The following IRAK2 variants were observed in gnomAD, a reference collection of about 807,000 sequenced individuals.
IRAK2 encodes interleukin-1 receptor-associated kinase-like 2.
IRAK2 carries 57 observed loss-of-function variants against 72.0 expected under a neutral mutation model. That is an observed-to-expected ratio of 0.79 (90% confidence interval 0.64 to 0.99). The LOEUF (loss-of-function observed/expected upper bound fraction) is 0.99. Ranked by LOEUF, IRAK2 falls within the 50% of genes least tolerant of loss-of-function variation. The pLI is 0.00. For synonymous variants in IRAK2, 293 were observed against 312.7 expected (o/e 0.94, Z 0.67); for missense variants, 790 against 794.4 (o/e 0.99, Z 0.07).
At chr3:10,178,177 G>T (rs1351579711) in intron 2 of IRAK2, among the ~76,000 whole-genome samples, 157 bp downstream of exon 2, 9 of 152,138 alleles carry the variant, frequency 5.9e-5, no homozygotes, top group Non-Finnish European at 1.2e-4. Context: ...CTGGTAACAG[G>T]CCAGGTGCGG....
chr3:10,201,535 T>G (rs959854996), intron 3 of IRAK2, among the ~76,000 whole-genome samples: 1 of 152,266 alleles, frequency 6.6e-6, no homozygotes, highest in Non-Finnish European at 1.5e-5. Context: ...ATGTCTGAGC[T>G]GTGTGATTTG....
intron 2 of IRAK2, among the ~76,000 whole-genome samples, chr3:10,188,754 G>T (rs572554666): frequency 6.6e-6 from 1 of 152,226 alleles, no homozygotes; most frequent in Non-Finnish European, 1.5e-5. Context: ...TCAAACTCCC[G>T]ACCTCAGGTG....
In IRAK2 at chr3:10,177,946, A is replaced by T. The variant is rs745921803; in HGVS notation, c.203A>T (p.Gln68Leu). 2 of 1,613,814 alleles carry T rather than the reference A, an allele frequency of 1.2e-6. No individual in the cohort carries two copies. The highest frequency in any genetic ancestry group is 2.2e-5 in the South Asian group (2 of 91,082). Residue 68 changes from glutamine to leucine, a missense_variant, in exon 2 of 13, where the codon CAG becomes CTG. Gln to Leu is a moderately radical substitution (Grantham distance 113). Coordinates refer to ENST00000256458, the MANE Select transcript of IRAK2 (RefSeq NM_001570.4). ...RELLWWWGMR[Q>L]ATVQQLVDLL... ...CTGCTGTGGTGGTGGGGCATGCGGCAGGCCACCGTCCAGCAACTTGTGGAC... is the reference window on the plus strand; with the variant it reads ...CTGCTGTGGTGGTGGGGCATGCGGCTGGCCACCGTCCAGCAACTTGTGGAC...
At position 10,218,865 on chromosome 3, in the gene IRAK2, C is replaced by T. The variant is rs116606154; in HGVS notation, c.904-815C>T. 5.0e-3 allele frequency among the ~76,000 whole-genome samples: 767 copies of T among 152,282 alleles called. 19 individuals carry two copies. Among genetic ancestry groups the T allele is most frequent in the Non-Finnish European group, 3.1e-3 (212 of 68,026 alleles). On this transcript the variant is annotated intron_variant, in intron 7 of 12. Transcript: ENST00000256458. ...CCAAAATTATACAGCTAATGCATGT[C>T]TGAACTGGGAGTTACACCTAGATCT...
At position 10,213,223 on chromosome 3, in the gene IRAK2, T is replaced by C. The variant is rs1396740840; in HGVS notation, c.545T>C (p.Ile182Thr). 1 of 1,614,030 alleles carries C rather than the reference T, an allele frequency of 6.2e-7. No homozygotes were observed. Among genetic ancestry groups the C allele is most frequent in the Non-Finnish European group, 8.5e-7 (1 of 1,180,008 alleles). ...GGTCTCCAGGACTTCAGCACCTCCATTCCTAAGCAGGAAAAACTTTTGAGC... is the reference window on the plus strand; with the variant it reads ...GGTCTCCAGGACTTCAGCACCTCCACTCCTAAGCAGGAAAAACTTTTGAGC... ...SSDSKDFSTS[I>T]PKQEKLLSLA... Residue 182 changes from isoleucine to threonine, a missense_variant, in exon 5 of 13, where the codon ATT becomes ACT. Transcript: ENST00000256458.
chr3:10,174,526 TTTTG>T (rs1008643120), intron 1 of IRAK2, among the ~76,000 whole-genome samples: 1 of 152,120 alleles, frequency 6.6e-6, no homozygotes, highest in Admixed American at 6.6e-5. Context: ...TTTTGTTTTG[TTTTG>T]TTTTATTTTT....
chr3:10,235,205 G>A (rs1196877952), intron 11 of IRAK2, among the ~76,000 whole-genome samples: 2 of 152,188 alleles, frequency 1.3e-5, no homozygotes, highest in Non-Finnish European at 2.9e-5. Flanking sequence ...CTAGGCGGAC[G>A]TCCTAGAAAG....
rs756037621 is a variant in IRAK2 at position 10,219,691 on chromosome 3, C to A, written c.915C>A (p.Asp305Glu). 6.2e-7 allele frequency: 1 copy of A among 1,613,378 alleles called. No individual in the cohort carries two copies. Among genetic ancestry groups the A allele is most frequent in the African/African-American group, 1.3e-5 (1 of 74,874 alleles). Reference protein sequence around the residue: ...QDRLQGQGGSDPLPWPQRVSI... With the variant: ...QDRLQGQGGSEPLPWPQRVSI... ...TTTCTTTCTCTTAGGGTGGCTCGGA[C>A]CCCCTCCCCTGGCCCCAGCGTGTCA... is the stretch of plus-strand genomic sequence containing the variant. The change falls in exon 8 of 13, where the codon GAC (aspartate) becomes GAA (glutamate). Residue 305 changes from aspartate (D) to glutamate (E), a missense_variant. By Grantham distance (45) the Asp-to-Glu change is conservative. Transcript: ENST00000256458.
intron 1 of IRAK2, among the ~76,000 whole-genome samples, chr3:10,176,938 G>T (rs1696886608): frequency 6.6e-6 from 1 of 151,540 alleles, no homozygotes; most frequent in African/African-American, 2.4e-5. Context: ...GAGTAGCTGG[G>T]ACTACAGGTG....
intron 1 of IRAK2, among the ~76,000 whole-genome samples, chr3:10,174,493 G>T (rs760322055): frequency 1.3e-4 from 20 of 151,800 alleles, no homozygotes; most frequent in Non-Finnish European, 2.5e-4. Flanking sequence ...TCTTCTACTC[G>T]GCCCACCTAT....
chr3:10,216,044 C>A (rs1160716922), intron 6 of IRAK2, among the ~76,000 whole-genome samples: 1 of 152,116 alleles, frequency 6.6e-6, no homozygotes, highest in Admixed American at 6.6e-5. Flanking sequence ...TTGCGGGAAG[C>A]AGAGGAGGGC....
In IRAK2 at chr3:10,220,380, A is replaced by G. The variant is rs184386192; in HGVS notation, c.1013+591A>G. On this transcript the variant is annotated intron_variant, in intron 8 of 12. Coordinates refer to ENST00000256458, the MANE Select transcript of IRAK2 (RefSeq NM_001570.4). ...CTGGCTCCAGAGACACAGAACTCGT[A>G]TTTCCCCAAAGTTCTCTTTCCATTT... Among the ~76,000 whole-genome samples the G allele has an allele frequency of 1.2e-3, 179 of 152,146 alleles. 1 individual carries two copies. The highest frequency in any genetic ancestry group is 4.2e-3 in the African/African-American group (173 of 41,496).
At position 10,223,587 on chromosome 3, in the gene IRAK2, A is replaced by G. The variant is rs1423120104; in HGVS notation, c.1209+756A>G. Reference sequence around the variant, plus strand: ...AAGCAGGTTTCTTTACCACAAGATTAATTCAAGCTGGTTGAATGGTAGTGA... The same window carrying G: ...AAGCAGGTTTCTTTACCACAAGATTGATTCAAGCTGGTTGAATGGTAGTGA... On this transcript the variant is annotated intron_variant, in intron 9 of 12. Transcript: ENST00000256458. 1.1e-4 allele frequency among the ~76,000 whole-genome samples: 16 copies of G among 152,234 alleles called. 1 individual carries two copies. Among genetic ancestry groups the G allele is most frequent in the Admixed American group, 1.0e-3 (16 of 15,278 alleles).
intron 4 of IRAK2, among the ~76,000 whole-genome samples, chr3:10,211,906 T>A (rs1297693809): frequency 1.3e-5 from 2 of 151,830 alleles, no homozygotes; most frequent in Non-Finnish European, 2.9e-5. Flanking sequence ...TGAGGCCTCA[T>A]CTCTACTAAA....
intron 1 of IRAK2, among the ~76,000 whole-genome samples, chr3:10,166,407 C>T (rs371615060): frequency 3.5e-4 from 53 of 152,278 alleles, no homozygotes; most frequent in South Asian, 3.1e-3. Context: ...ATGGACTCTG[C>T]GGGGAGGCCG....
intron 1 of IRAK2, among the ~76,000 whole-genome samples, chr3:10,165,783 T>G (rs953371854): frequency 2.1e-5 from 3 of 141,848 alleles, no homozygotes; most frequent in Non-Finnish European, 4.5e-5. Flanking sequence ...CAGGCTGGAG[T>G]GCAGTGGCGC....
At chr3:10,240,568 T>G (rs1340902789) in intron 12 of IRAK2, among the ~76,000 whole-genome samples, 1 of 56,556 alleles carries the variant, frequency 1.8e-5, no homozygotes, top group Non-Finnish European at 3.0e-5. Context: ...CTTTTTTTTT[T>G]TTTGTTTTGA....
chr3:10,211,452 A>T (rs146035796), intron 4 of IRAK2, among the ~76,000 whole-genome samples: 1 of 152,048 alleles, frequency 6.6e-6, no homozygotes, highest in African/African-American at 2.4e-5. Flanking sequence ...CCTCGCCAAA[A>T]AAAAAAGTTT....
intron 3 of IRAK2, among the ~76,000 whole-genome samples, chr3:10,203,914 G>A (rs1260757396): frequency 6.6e-6 from 1 of 152,190 alleles, no homozygotes; most frequent in Non-Finnish European, 1.5e-5. Context: ...GAGCCACCGC[G>A]CCTGGCTGAG....
Sources: allele counts gnomAD v4.1 joint callset (sites outside exome capture counted in the v4.1 genomes callset), GRCh38; gene constraint gnomAD v4.1.1; transcripts MANE v1.5; gene names NCBI Gene and HGNC (gene_info 2026-07-23, HGNC 2026-07-21).